The following NAPEPLD variants were observed in gnomAD, a reference collection of about 807,000 sequenced individuals.
The protein encoded by NAPEPLD is N-acyl phosphatidylethanolamine phospholipase D, also known as N-acyl-phosphatidylethanolamine-hydrolyzing phospholipase D.
A neutral mutation model predicts 38.1 loss-of-function variants in NAPEPLD; 23 were observed. The ratio of observed to expected loss-of-function variants is 0.60; its 90% confidence interval spans 0.43 to 0.86. NAPEPLD has a LOEUF of 0.86. NAPEPLD is among the 40% of genes least tolerant of loss of function. NAPEPLD has a pLI of 0.00. For missense variants in NAPEPLD, 411 were observed against 476.8 expected (o/e 0.86, Z 1.28); for synonymous variants, 147 against 162.0 (o/e 0.91, Z 0.71).
chr7:103,141,574 G>A (rs1811369896), intron 1 of NAPEPLD: 2 of 1,078,928 alleles, frequency 1.9e-6, no homozygotes, highest in South Asian at 1.2e-5. Flanking sequence ...TCAGGTACAG[G>A]CTGTGATACA....
At chr7:103,109,453 A>G (rs1225758958) in intron 4 of NAPEPLD, among the ~76,000 whole-genome samples, 1 of 152,224 alleles carries the variant, frequency 6.6e-6, no homozygotes, top group African/African-American at 2.4e-5. Flanking sequence ...ACACAACTGC[A>G]TGGAAACTGA....
rs993743134 is a variant in NAPEPLD at position 103,103,200 on chromosome 7, C to G, written c.*229G>C. 6.2e-6 allele frequency: 2 copies of G among 325,148 alleles called. No individual in the cohort carries two copies. The highest frequency in any genetic ancestry group is 4.3e-5 in the African/African-American group (2 of 46,828). 20.1% of individuals were successfully genotyped at this position (325,148 alleles called of 1,614,324 possible). ...TATATCATGATATGAAATTTAAAATCCACATTAGCCAATTCATTATTTAAA... is the reference window on the plus strand; with the variant it reads ...TATATCATGATATGAAATTTAAAATGCACATTAGCCAATTCATTATTTAAA... On this transcript the variant is annotated 3_prime_UTR_variant, in exon 5 of 5. Coordinates refer to ENST00000465647, the MANE Select transcript of NAPEPLD (RefSeq NM_001122838.3).
At chr7:103,144,338 T>C (rs911384979) in intron 1 of NAPEPLD, among the ~76,000 whole-genome samples, 1 of 152,216 alleles carries the variant, frequency 6.6e-6, no homozygotes, top group African/African-American at 2.4e-5. Flanking sequence ...TTTTGCAAAG[T>C]AAAAGGTACT....
chr7:103,141,158 C>T (rs577479505), intron 1 of NAPEPLD, among the ~76,000 whole-genome samples: 1 of 149,198 alleles, frequency 6.7e-6, no homozygotes, highest in South Asian at 2.1e-4. Flanking sequence ...GAACAAAGTG[C>T]AAATCCTCCC....
Position 103,119,794 on chromosome 7 carries a change from C to A in NAPEPLD, c.724G>T (p.Asp242Tyr). Residue 242 changes from aspartate (D) to tyrosine (Y), a missense_variant, in exon 3 of 5, where the codon GAT becomes TAT. By Grantham distance (160) the Asp-to-Tyr change is radical (BLOSUM62 -3). Transcript: ENST00000465647. ...WWEENCVPGH[D>Y]KVTFVFTPSQ... ...GGTGTAAAGACAAAAGTGACCTTAT[C>A]ATGTCCGGGGACACAATTCTCCTCC... 5.6e-6 allele frequency: 9 copies of A among 1,614,176 alleles called. No homozygotes were observed. The highest frequency in any genetic ancestry group is 7.6e-6 in the Non-Finnish European group (9 of 1,180,036).
At chr7:103,104,458 C>A (rs1802904240) in intron 4 of NAPEPLD, among the ~76,000 whole-genome samples, 1 of 152,172 alleles carries the variant, frequency 6.6e-6, no homozygotes, top group Non-Finnish European at 1.5e-5. Context: ...GAATAAGGGA[C>A]AGCCAATGAT....
intron 1 of NAPEPLD, among the ~76,000 whole-genome samples, chr7:103,132,169 CAGA>C (rs1425746260): frequency 3.9e-5 from 6 of 152,140 alleles, no homozygotes; most frequent in African/African-American, 1.4e-4. Context: ...TGAATGAAAA[CAGA>C]AGAAGCCTAG....
intron 3 of NAPEPLD, among the ~76,000 whole-genome samples, chr7:103,118,372 A>G (rs577001703): frequency 6.6e-6 from 1 of 152,348 alleles, no homozygotes; most frequent in East Asian, 1.9e-4. Flanking sequence ...TAATCATTTT[A>G]ATAATTATCA....
chr7:103,113,530 G>A (rs1384510951), intron 4 of NAPEPLD, among the ~76,000 whole-genome samples: 1 of 150,402 alleles, frequency 6.6e-6, no homozygotes, highest in East Asian at 2.0e-4. Context: ...TCTGGGATGT[G>A]GAAGATGCCA....
upstream of NAPEPLD, chr7:103,149,548 G>A (rs192627846): frequency 2.5e-5 from 30 of 1,211,078 alleles, 1 homozygote; most frequent in African/African-American, 4.6e-4. Flanking sequence ...CAGGGCCAGC[G>A]GTGGCCTCCT....
chr7:103,111,963 C>G (rs200688666), intron 4 of NAPEPLD, among the ~76,000 whole-genome samples: 1 of 151,740 alleles, frequency 6.6e-6, no homozygotes, highest in Admixed American at 6.6e-5. Flanking sequence ...AGACACTTCT[C>G]AAAAGAAGAC....
intron 1 of NAPEPLD, among the ~76,000 whole-genome samples, chr7:103,132,656 C>T (rs1809183764): frequency 6.6e-6 from 1 of 151,786 alleles, no homozygotes; most frequent in Admixed American, 6.6e-5. Context: ...TAAATTAGCC[C>T]ACTGTGGTGT....
chr7:103,143,968 C>A (rs1394930491), intron 1 of NAPEPLD, among the ~76,000 whole-genome samples: 1 of 152,234 alleles, frequency 6.6e-6, no homozygotes, highest in Non-Finnish European at 1.5e-5. Context: ...CAGACAGGAG[C>A]CACGGCACCT....
rs149710029 is a variant in NAPEPLD at position 103,114,182 on chromosome 7, C to T, written c.1056+878G>A. 7.3e-3 allele frequency among the ~76,000 whole-genome samples: 1,113 copies of T among 152,304 alleles called. 77 individuals are homozygous for T. In the East Asian group the frequency reaches 0.16, roughly 21 times the overall value. ...AAAGTGCTGGGATTACAGGTGTGAGCCACTGCACTGGGCCTAACCATACAT... is the reference window on the plus strand; with the variant it reads ...AAAGTGCTGGGATTACAGGTGTGAGTCACTGCACTGGGCCTAACCATACAT... On this transcript the variant is annotated intron_variant, in intron 4 of 4. Coordinates refer to ENST00000465647, the MANE Select transcript of NAPEPLD (RefSeq NM_001122838.3).
chr7:103,115,327 G>T (rs1805343178), intron 3 of NAPEPLD, 153 bp from the exon 4 acceptor site: 6 of 544,730 alleles, frequency 1.1e-5, no homozygotes, highest in Non-Finnish European at 1.9e-5. Context: ...TTTTGGGGAG[G>T]ATGAGCTAGA....
intron 1 of NAPEPLD, among the ~76,000 whole-genome samples, chr7:103,138,317 C>A (rs1193242718): frequency 2.6e-5 from 4 of 152,098 alleles, no homozygotes; most frequent in Non-Finnish European, 5.9e-5. Context: ...AAAAAGAAAA[C>A]CTTCCAATTT....
intron 3 of NAPEPLD, among the ~76,000 whole-genome samples, chr7:103,118,897 T>C (rs1475838162): frequency 6.6e-6 from 1 of 152,070 alleles, no homozygotes; most frequent in Non-Finnish European, 1.5e-5. Flanking sequence ...GAGTGGTGAG[T>C]AGTACAACAC....
At chr7:103,124,856 A>G (rs1807439323) in intron 2 of NAPEPLD, among the ~76,000 whole-genome samples, 1 of 152,204 alleles carries the variant, frequency 6.6e-6, no homozygotes, top group Non-Finnish European at 1.5e-5. Context: ...CCCAATCAGG[A>G]GTGAAATCTA....
At chr7:103,149,406 C>T, upstream of NAPEPLD, 2 of 1,226,362 alleles carry the variant, frequency 1.6e-6, no homozygotes, top group Non-Finnish European at 2.1e-6. Context: ...TTCTTCCTAA[C>T]CCGAGCCCGC....
Sources: gnomAD v4.1 joint callset for allele counts (sites outside exome capture counted in the v4.1 genomes callset) on GRCh38, gnomAD v4.1.1 for gene constraint, MANE v1.5 for transcripts, NCBI Gene and HGNC (gene_info 2026-07-23, HGNC 2026-07-21) for gene names.